Variants in LHFPL2 observed in about 807,000 individuals in gnomAD.
LHFPL2 encodes LHFPL tetraspan subfamily member 2 protein.
LHFPL2 carries 7 observed loss-of-function variants against 17.5 expected under a neutral mutation model. The observed-to-expected ratio is 0.40, with a 90% CI of 0.23 to 0.75. LHFPL2 has a LOEUF of 0.75. Ranked by LOEUF, LHFPL2 falls within the 30% of genes least tolerant of loss-of-function variation. The probability of loss-of-function intolerance (pLI) is 0.37; values close to 1 mark genes in which losing one functional copy is unlikely to be tolerated. For missense variants in LHFPL2, 241 were observed against 294.8 expected, an observed-to-expected ratio of 0.82 and a Z score of 1.34; for synonymous variants, 134 against 116.2, an observed-to-expected ratio of 1.15 and a Z score of -0.99.
intron 2 of LHFPL2, among the ~76,000 whole-genome samples, chr5:78,582,739 G>A (rs1580829744): frequency 1.3e-5 from 2 of 152,134 alleles, no homozygotes; most frequent in Admixed American, 1.3e-4. Context: ...GTATGGTGTG[G>A]TGCTGAAAAA....
chr5:78,522,158 C>T (rs1195752470), intron 3 of LHFPL2, among the ~76,000 whole-genome samples: 1 of 152,170 alleles, frequency 6.6e-6, no homozygotes, highest in Non-Finnish European at 1.5e-5. Flanking sequence ...AAAGGAGTCA[C>T]ATTGGCCAGG....
At chr5:78,583,040 A>G (rs1037625806) in intron 2 of LHFPL2, among the ~76,000 whole-genome samples, 5 of 152,154 alleles carry the variant, frequency 3.3e-5, no homozygotes, top group African/African-American at 1.2e-4. Context: ...GCATTATGTA[A>G]TGGCCTTGTC....
chr5:78,644,849 T>C, intron 1 of LHFPL2: 1 of 194,078 alleles, frequency 5.2e-6, no homozygotes, highest in Non-Finnish European at 1.1e-5. Context: ...TGCCCATGTT[T>C]AGTTCTTTTT....
intron 4 of LHFPL2, among the ~76,000 whole-genome samples, chr5:78,489,427 A>G (rs1754364872): frequency 6.6e-6 from 1 of 152,202 alleles, no homozygotes; most frequent in South Asian, 2.1e-4. Flanking sequence ...TCTTCTTAAG[A>G]CAGAGTCTCA....
chr5:78,494,853 G>T (rs985032622), intron 4 of LHFPL2, among the ~76,000 whole-genome samples: 1 of 152,194 alleles, frequency 6.6e-6, no homozygotes, highest in Non-Finnish European at 1.5e-5. Context: ...GAGGGCAGAG[G>T]CTACACAGAG....
intron 3 of LHFPL2, among the ~76,000 whole-genome samples, chr5:78,543,226 C>G (rs1305650052): frequency 6.6e-6 from 1 of 152,138 alleles, no homozygotes. Context: ...TCTATAAAAC[C>G]CTTTGCATTT....
At chr5:78,513,619 T>C (rs1306246744) in intron 3 of LHFPL2, among the ~76,000 whole-genome samples, 3 of 152,112 alleles carry the variant, frequency 2.0e-5, no homozygotes, top group Non-Finnish European at 2.9e-5. Context: ...TTCTCACGTG[T>C]TATGGGAAGG....
intron 2 of LHFPL2, among the ~76,000 whole-genome samples, chr5:78,588,272 G>A (rs1305022848): frequency 6.6e-6 from 1 of 152,222 alleles, no homozygotes; most frequent in East Asian, 1.9e-4. Context: ...CTGGGATCAA[G>A]TGATCTTCCT....
intron 1 of LHFPL2, among the ~76,000 whole-genome samples, chr5:78,635,899 A>G (rs1047785838): frequency 1.3e-5 from 2 of 152,228 alleles, no homozygotes; most frequent in African/African-American, 4.8e-5. Flanking sequence ...TTTCATATAT[A>G]GATCACCTGG....
intron 2 of LHFPL2, among the ~76,000 whole-genome samples, chr5:78,614,721 A>G (rs920454751): frequency 3.3e-5 from 5 of 152,106 alleles, no homozygotes; most frequent in African/African-American, 4.8e-5. Flanking sequence ...AAAAATTTAG[A>G]AAAAAAAGTG....
In LHFPL2 at chr5:78,489,029, A is replaced by G; in HGVS notation, c.555T>C (p.Phe185=). The change falls in exon 5 of 5, where the codon TTT becomes TTC. Residue 185 remains phenylalanine (F), a synonymous_variant. Transcript: ENST00000380345. ...KPGDCSLGWA[F]YTAIGGTVLT... ...GGACTGTGCCCCCAATGGCGGTATA[A>G]AAGGCCCAGCCCAAGGAGCAGTCTC... is the stretch of plus-strand genomic sequence containing the variant. The G allele has an allele frequency of 6.2e-7, 1 of 1,614,224 alleles. No individual in the cohort carries two copies. The highest frequency in any genetic ancestry group is 8.5e-7 in the Non-Finnish European group (1 of 1,180,028).
intron 2 of LHFPL2, among the ~76,000 whole-genome samples, chr5:78,591,235 T>G (rs1743616095): frequency 6.6e-6 from 1 of 152,180 alleles, no homozygotes. Context: ...CCTAACCCCC[T>G]AATGACCAAT....
chr5:78,585,168 G>T (rs1298798610), intron 2 of LHFPL2, among the ~76,000 whole-genome samples: 1 of 114,720 alleles, frequency 8.7e-6, no homozygotes, highest in East Asian at 2.2e-4. Flanking sequence ...CACTACGCCC[G>T]GCTAATTTTT....
chr5:78,585,987 A>G (rs1316360627), intron 2 of LHFPL2, among the ~76,000 whole-genome samples: 1 of 152,194 alleles, frequency 6.6e-6, no homozygotes, highest in East Asian at 1.9e-4. Flanking sequence ...AGGAGTAATA[A>G]GGTCATTTTT....
At chr5:78,535,629 C>A (rs1201405504) in intron 3 of LHFPL2, among the ~76,000 whole-genome samples, 1 of 152,184 alleles carries the variant, frequency 6.6e-6, no homozygotes, top group East Asian at 1.9e-4. Flanking sequence ...AGCTCAGCTC[C>A]CACCCCAATG....
rs770801824 is a variant in LHFPL2 at position 78,495,897 on chromosome 5, C to T, written c.431-6744G>A. Reference sequence around the variant, plus strand: ...TAGGGTTTCAGAGGCTGGTGATAGTCAACAATCTGGTCACACTACACACAT... The same window carrying T: ...TAGGGTTTCAGAGGCTGGTGATAGTTAACAATCTGGTCACACTACACACAT... On this transcript the variant is annotated intron_variant, in intron 4 of 4. Transcript: ENST00000380345. Among the ~76,000 whole-genome samples, 100 of 152,098 alleles carry T rather than the reference C, an allele frequency of 6.6e-4. 1 individual carries two copies. Among genetic ancestry groups the T allele is most frequent in the Non-Finnish European group, 1.8e-4 (12 of 68,024 alleles).
At chr5:78,493,343 C>G (rs559797113) in intron 4 of LHFPL2, among the ~76,000 whole-genome samples, 3 of 152,306 alleles carry the variant, frequency 2.0e-5, no homozygotes, top group South Asian at 4.1e-4. Context: ...TGGGCCCTGA[C>G]AAGCATCCCT....
intron 2 of LHFPL2, among the ~76,000 whole-genome samples, chr5:78,596,110 G>A (rs2112466746): frequency 6.6e-6 from 1 of 152,204 alleles, no homozygotes; most frequent in African/African-American, 2.4e-5. Context: ...AGATGACAAA[G>A]TTTATAATAA....
chr5:78,540,354 C>T (rs896872442), intron 3 of LHFPL2, among the ~76,000 whole-genome samples: 1 of 152,116 alleles, frequency 6.6e-6, no homozygotes, highest in African/African-American at 2.4e-5. Context: ...TTTTATCTGC[C>T]AATGCTGCAA....
Sources: allele counts gnomAD v4.1 joint callset (sites outside exome capture counted in the v4.1 genomes callset), GRCh38; gene constraint gnomAD v4.1.1; transcripts MANE v1.5; gene names NCBI Gene and HGNC (gene_info 2026-07-23, HGNC 2026-07-21).